Variants in MYOM2 observed in about 807,000 individuals in gnomAD.
The protein encoded by MYOM2 is myomesin-2.
A neutral mutation model predicts 187.6 loss-of-function variants in MYOM2; 254 were observed. That is an observed-to-expected ratio of 1.35 (90% CI 1.22 to 1.50). MYOM2 has a LOEUF of 1.50. Ranked by LOEUF, MYOM2 falls within the 40% of genes most tolerant of loss-of-function variation. The pLI, the probability that MYOM2 is intolerant of heterozygous loss-of-function variation, is 0.00. For missense variants in MYOM2, 2,796 were observed against 1,924.0 expected (o/e 1.45, Z -8.48); for synonymous variants, 981 against 753.8 (o/e 1.30, Z -4.94).
rs1819266101 is a variant in MYOM2 at position 2,072,478 on chromosome 8, G to T, written c.927G>T (p.Arg309=). Residue 309 remains arginine, a synonymous_variant, in exon 9 of 37, where the codon CGG becomes CGT. Coordinates refer to ENST00000262113, the MANE Select transcript of MYOM2 (RefSeq NM_003970.4). ...TGCTGGTGACGCCGGACCTGAAGCG[G>T]GTGCAGCCGCGCGCCGAGTGGTACC... is the stretch of plus-strand genomic sequence containing the variant. ...CTMLVTPDLK[R]VQPRAEWYRD... 6.2e-7 allele frequency: 1 copy of T among 1,613,892 alleles called. No homozygotes were observed. Among genetic ancestry groups the T allele is most frequent in the Non-Finnish European group, 8.5e-7 (1 of 1,180,030 alleles).
At chr8:2,123,917 A>T (rs779112718) in intron 30 of MYOM2, among the ~76,000 whole-genome samples, 2 of 152,262 alleles carry the variant, frequency 1.3e-5, no homozygotes, top group African/African-American at 4.8e-5. Flanking sequence ...AGTTAAAATG[A>T]TGGAAACACT....
At chr8:2,124,504 T>C (rs565381415) in intron 31 of MYOM2, among the ~76,000 whole-genome samples, 2 of 152,376 alleles carry the variant, frequency 1.3e-5, no homozygotes, top group East Asian at 3.9e-4. Flanking sequence ...GACTGCTTTG[T>C]ATATAATTGC....
intron 14 of MYOM2, among the ~76,000 whole-genome samples, chr8:2,086,690 C>T (rs375598537): frequency 6.6e-4 from 101 of 152,376 alleles, no homozygotes; most frequent in African/African-American, 2.3e-3. Flanking sequence ...CGTTGCCCCT[C>T]GGTGTGAGCA....
intron 5 of MYOM2, among the ~76,000 whole-genome samples, chr8:2,058,817 C>G (rs1818757663): frequency 6.6e-6 from 1 of 152,218 alleles, no homozygotes; most frequent in Admixed American, 6.5e-5. Flanking sequence ...GAGACACTAG[C>G]TACACTGCAG....
At chr8:2,070,538 G>A (rs1232816525) in intron 8 of MYOM2, among the ~76,000 whole-genome samples, 1 of 152,190 alleles carries the variant, frequency 6.6e-6, no homozygotes, top group Non-Finnish European at 1.5e-5. Flanking sequence ...CCTCAGGACA[G>A]CACAGAGTCT....
chr8:2,111,893 G>C (rs967809411), intron 25 of MYOM2, among the ~76,000 whole-genome samples: 1 of 152,164 alleles, frequency 6.6e-6, no homozygotes, highest in Non-Finnish European at 1.5e-5. Context: ...ACAAGTATAC[G>C]CTGTGTGATC....
rs537080151 is a variant in MYOM2 at position 2,073,524 on chromosome 8, G to C, written c.1120+24G>C. The C allele has an allele frequency of 1.9e-6, 3 of 1,571,102 alleles. No individual in the cohort carries two copies. In the African/African-American group the frequency reaches 4.4e-5, roughly 23 times the overall value. On this transcript the variant is annotated intron_variant, in intron 10 of 36. Coordinates refer to ENST00000262113, the MANE Select transcript of MYOM2 (RefSeq NM_003970.4). ...AGGTGCGGGCAGCAGGGTTCTCAGG[G>C]TGCAGACCTTGTGTGTGCCCGGGGA...
rs776888745 is a variant in MYOM2 at position 2,116,038 on chromosome 8, A to T, written c.3259A>T (p.Thr1087Ser). 1 of 1,614,030 alleles carries T rather than the reference A, an allele frequency of 6.2e-7. No individual in the cohort carries two copies. The highest frequency in any genetic ancestry group is 8.5e-7 in the Non-Finnish European group (1 of 1,179,968). Reference protein sequence around the residue: ...MDRFSIENEGTYTVQIHDGKA... With the variant: ...MDRFSIENEGSYTVQIHDGKA... ...TCGATTTAGTATTGAAAATGAGGGGACCTACACTGTGCAGATTCATGATGG... is the reference window on the plus strand; with the variant it reads ...TCGATTTAGTATTGAAAATGAGGGGTCCTACACTGTGCAGATTCATGATGG... The change falls in exon 26 of 37, where the codon ACC becomes TCC. Residue 1087 changes from threonine to serine, a missense_variant. Thr to Ser is a moderately conservative substitution (Grantham distance 58). Coordinates refer to ENST00000262113, the MANE Select transcript of MYOM2 (RefSeq NM_003970.4).
chr8:2,068,006 A>C (rs74696273), intron 6 of MYOM2, among the ~76,000 whole-genome samples: 3,342 of 152,128 alleles, frequency 0.022, 44 homozygotes, highest in Non-Finnish European at 0.032. Flanking sequence ...CCCTCTGTGT[A>C]CGCCAGGTAC....
intron 18 of MYOM2, among the ~76,000 whole-genome samples, chr8:2,096,681 C>T (rs1011635901): frequency 1.6e-4 from 25 of 152,192 alleles, no homozygotes; most frequent in African/African-American, 5.5e-4. Context: ...TCCATGACCT[C>T]TGGTGTGACC....
intron 13 of MYOM2, among the ~76,000 whole-genome samples, chr8:2,083,400 C>G (rs111470689): frequency 6.6e-6 from 1 of 150,994 alleles, no homozygotes; most frequent in African/African-American, 2.4e-5. Context: ...TCACATGTGC[C>G]TAGTGGCATC....
chr8:2,065,299 G>A (rs537917112), intron 6 of MYOM2, among the ~76,000 whole-genome samples: 5 of 152,308 alleles, frequency 3.3e-5, no homozygotes, highest in Non-Finnish European at 5.9e-5. Context: ...GGCCAGGCAC[G>A]GTGGCTCATG....
At chr8:2,054,640 G>A (rs1818596526) in intron 3 of MYOM2, among the ~76,000 whole-genome samples, 1 of 152,198 alleles carries the variant, frequency 6.6e-6, no homozygotes, top group Non-Finnish European at 1.5e-5. Flanking sequence ...CTAAGAATAA[G>A]CTGAGGCTCT....
At position 2,050,883 on chromosome 8, in the gene MYOM2, C is replaced by T. The variant is rs1301447803; in HGVS notation, c.107+10C>T. 1.3e-6 allele frequency: 2 copies of T among 1,596,590 alleles called. No individual in the cohort carries two copies. The highest frequency in any genetic ancestry group is 2.2e-5 in the East Asian group (1 of 44,560). On this transcript the variant is annotated intron_variant, in intron 2 of 36. Transcript: ENST00000262113. ...AATATGCGTCAAAAAAGTAAGCTGA[C>T]ATTCGCTGATGAGACGCGCAGAGCT...
At chr8:2,057,299 G>T (rs1818698178) in intron 3 of MYOM2, 49 bp from the exon 4 acceptor site, 1 of 1,566,492 alleles carries the variant, frequency 6.4e-7, no homozygotes, top group Non-Finnish European at 8.6e-7. Context: ...GGGGCCACGT[G>T]GTTTTCTTCG....
rs141837213 is a variant in MYOM2 at position 2,052,206 on chromosome 8, G to A, written c.156G>A (p.Ser52=). The A allele has an allele frequency of 6.4e-5, 103 of 1,613,172 alleles. No homozygotes were observed. Among genetic ancestry groups the A allele is most frequent in the South Asian group, 2.0e-4 (18 of 90,752 alleles). The change falls in exon 3 of 37, where the codon TCG becomes TCA. Residue 52 remains serine, a synonymous_variant. Transcript: ENST00000262113. The part of the protein sequence containing the change: ...ASSQKSLSQR[S]SSQRASSQTS... Reference sequence around the variant, plus strand: ...CCCAGAAGTCCTTGAGTCAGCGGTCGTCTTCACAGAGAGCCTCCAGCCAGA... The same window carrying A: ...CCCAGAAGTCCTTGAGTCAGCGGTCATCTTCACAGAGAGCCTCCAGCCAGA...
intron 6 of MYOM2, among the ~76,000 whole-genome samples, chr8:2,067,045 G>C (rs530241387): frequency 1.1e-4 from 16 of 152,288 alleles, no homozygotes; most frequent in Non-Finnish European, 1.8e-4. Context: ...AGGTCAGATG[G>C]TTTTATCTGA....
rs144676046 is a variant in MYOM2 at position 2,055,474 on chromosome 8, G to A, written c.264-1874G>A. On this transcript the variant is annotated intron_variant, in intron 3 of 36. Coordinates refer to ENST00000262113, the MANE Select transcript of MYOM2 (RefSeq NM_003970.4). Reference sequence around the variant, plus strand: ...AGAATGGCTGAGGCCCAAACAGACTGTTCCCTAAACATTGTAGGGAAAGGC... The same window carrying A: ...AGAATGGCTGAGGCCCAAACAGACTATTCCCTAAACATTGTAGGGAAAGGC... Among the ~76,000 whole-genome samples, 170 of 152,288 alleles carry A rather than the reference G, an allele frequency of 1.1e-3. 1 individual carries two copies. The highest frequency in any genetic ancestry group is 6.4e-3 in the South Asian group (31 of 4,822).
rs1213064494 is a variant in MYOM2 at position 2,086,508 on chromosome 8, A to G, written c.1644+1118A>G. On this transcript the variant is annotated intron_variant, in intron 14 of 36. Transcript: ENST00000262113. Reference sequence around the variant, plus strand: ...CTCTGTGTGGCCCCCCACTGTCGTGATCTCTGCGTGGCCCCACACTGTCGT... The same window carrying G: ...CTCTGTGTGGCCCCCCACTGTCGTGGTCTCTGCGTGGCCCCACACTGTCGT... Among the ~76,000 whole-genome samples, 3 of 150,212 alleles carry G rather than the reference A, an allele frequency of 2.0e-5. No homozygotes were observed. In the East Asian group the frequency reaches 6.0e-4, roughly 30 times the overall value.
Sources: gnomAD v4.1 joint callset for allele counts (sites outside exome capture counted in the v4.1 genomes callset) on GRCh38, gnomAD v4.1.1 for gene constraint, MANE v1.5 for transcripts, NCBI Gene and HGNC (gene_info 2026-07-23, HGNC 2026-07-21) for gene names.